ATP5PO: variants seen among roughly 807,000 people sequenced by gnomAD.
ATP5PO encodes the protein ATP synthase peripheral stalk subunit OSCP, mitochondrial.
ATP5PO carries 14 observed loss-of-function variants against 26.2 expected under a neutral mutation model. The observed-to-expected ratio is 0.53, with a 90% CI of 0.35 to 0.83. The LOEUF (loss-of-function observed/expected upper bound fraction) is 0.83. Ranked by LOEUF, ATP5PO falls within the 40% of genes least tolerant of loss-of-function variation. The pLI, the probability that ATP5PO is intolerant of heterozygous loss-of-function variation, is 0.01. For missense variants in ATP5PO, 241 were observed against 258.5 expected, an observed-to-expected ratio of 0.93 and a Z score of 0.46; for synonymous variants, 106 against 95.1, an observed-to-expected ratio of 1.12 and a Z score of -0.67.
At chr21:33,912,880 GCCTC>G (rs1253745535) in intron 2 of ATP5PO, among the ~76,000 whole-genome samples, 1 of 152,120 alleles carries the variant, frequency 6.6e-6, no homozygotes, top group Non-Finnish European at 1.5e-5. Context: ...CCCTTACATA[GCCTC>G]CCTATCGATG....
At chr21:33,906,490 G>A (rs1987174390) in intron 5 of ATP5PO, 24 of 338,424 alleles carry the variant, frequency 7.1e-5, no homozygotes, top group South Asian at 4.9e-4. Flanking sequence ...CCCTGCATTC[G>A]GTTTCCTCAT....
intron 6 of ATP5PO, 55 bp from the exon 7 acceptor site, chr21:33,903,694 CAA>C (rs757915654): frequency 1.9e-6 from 3 of 1,570,568 alleles, no homozygotes; most frequent in South Asian, 1.1e-5. Context: ...ATGGGACACA[CAA>C]AAAAGTGTTT....
At chr21:33,905,289 T>C (rs1987155214) in intron 5 of ATP5PO, among the ~76,000 whole-genome samples, 1 of 152,148 alleles carries the variant, frequency 6.6e-6, no homozygotes, top group Non-Finnish European at 1.5e-5. Flanking sequence ...GCCAGGTACC[T>C]GTCTATGCCA....
At chr21:33,912,039 A>T (rs1265262681) in intron 3 of ATP5PO, among the ~76,000 whole-genome samples, 1 of 152,096 alleles carries the variant, frequency 6.6e-6, no homozygotes, top group African/African-American at 2.4e-5. Flanking sequence ...ATCCATTTTA[A>T]TCTTATATTT....
chr21:33,914,735 AG>A (rs1447191758), intron 1 of ATP5PO: 1 of 496,352 alleles, frequency 2.0e-6, no homozygotes, highest in African/African-American at 1.9e-5. Context: ...CTAGTTTGCT[AG>A]GAATGGACCG....
chr21:33,911,662 GTTT>G (rs58774588), intron 3 of ATP5PO, among the ~76,000 whole-genome samples: 13 of 92,078 alleles, frequency 1.4e-4, no homozygotes, highest in African/African-American at 2.0e-4. Flanking sequence ...ATAAGCATAG[GTTT>G]TTTTTTTTTT....
At chr21:33,913,247 G>A (rs1198144491) in intron 2 of ATP5PO, among the ~76,000 whole-genome samples, 8 of 152,154 alleles carry the variant, frequency 5.3e-5, no homozygotes, top group Admixed American at 2.0e-4. Context: ...TAATGAGGAC[G>A]GGACAGGATA....
chr21:33,911,659 T>C (rs898787519), intron 3 of ATP5PO, among the ~76,000 whole-genome samples: 8 of 137,188 alleles, frequency 5.8e-5, no homozygotes, highest in African/African-American at 2.2e-4. Context: ...CCCATAAGCA[T>C]AGGTTTTTTT....
chr21:33,908,634 G>C (rs1355979983), intron 4 of ATP5PO, among the ~76,000 whole-genome samples: 3 of 151,898 alleles, frequency 2.0e-5, no homozygotes, highest in East Asian at 3.9e-4. Flanking sequence ...ACCTGAGTCT[G>C]GGAGGTTGAG....
At chr21:33,915,175 T>C (rs1482388027) in intron 1 of ATP5PO, 1 of 155,916 alleles carries the variant, frequency 6.4e-6, no homozygotes, top group African/African-American at 2.4e-5. Flanking sequence ...TAAAGCACCA[T>C]GGTGAGATGC....
chr21:33,908,228 T>C (rs1019465454), intron 4 of ATP5PO, among the ~76,000 whole-genome samples: 6 of 148,956 alleles, frequency 4.0e-5, no homozygotes, highest in Non-Finnish European at 7.4e-5. Context: ...AAAACGCATA[T>C]CCAATTTTTT....
intron 1 of ATP5PO, 77 bp downstream of exon 1, chr21:33,915,651 C>A: frequency 6.5e-7 from 1 of 1,530,666 alleles, no homozygotes; most frequent in Non-Finnish European, 8.8e-7. Context: ...AAGCATCGCA[C>A]CCTGGTGCTC....
rs750826555 is a variant in ATP5PO, at chr21:33,915,802, G to A, written c.-39C>T. 1.2e-4 allele frequency: 190 copies of A among 1,552,550 alleles called. No individual in the cohort carries two copies. The highest frequency in any genetic ancestry group is 1.5e-4 in the Non-Finnish European group (178 of 1,150,384). The stretch of plus-strand genomic sequence containing the variant: ...GCTGTAGGTCAAACCCGAGTGGGAA[G>A]AGAGAAACGCGCAAGGGCGCACGCG... On this transcript the variant is annotated 5_prime_UTR_variant, in exon 1 of 7. Coordinates refer to ENST00000290299, the MANE Select transcript of ATP5PO (RefSeq NM_001697.3).
In ATP5PO at chr21:33,915,556, C is replaced by T. The variant is rs1987302700; in HGVS notation, c.36+172G>A. ...CCCGCGCCTACTGCCCCGTAGGCAT[C>T]CCGGGGGACAAACGCTGGGTCGTCC... On this transcript the variant is annotated intron_variant, in intron 1 of 6. Transcript: ENST00000290299. 6 of 1,020,174 alleles carry T rather than the reference C, an allele frequency of 5.9e-6. No individual in the cohort carries two copies. The African/African-American group carries it at 6.7e-5, about 11-fold the overall frequency. 63.2% of individuals were successfully genotyped at this position (1,020,174 alleles called of 1,614,324 possible). A position where few individuals can be genotyped will look rare whatever the true frequency, so the allele number is the denominator to read the frequency against.
At chr21:33,915,623 GC>G (rs1276016031) in intron 1 of ATP5PO, 104 bp downstream of exon 1, 2 of 1,483,200 alleles carry the variant, frequency 1.3e-6, no homozygotes, top group African/African-American at 2.8e-5. Context: ...CTTGAAGACT[GC>G]CAGACTTCCC....
rs1299292643 is a variant in ATP5PO at position 33,903,600 on chromosome 21, CA to C, written c.567del (p.Ile189MetfsTer?). ...PSILGGMIVR[I>X]GEKYVDMSVK... ...ACAGACATGTCAACATATTTCTCGC[CA>C]ATGCGCACAATCATTCCACCCAAGA... On this transcript the variant is annotated frameshift_variant, in exon 7 of 7. Coordinates refer to ENST00000290299, the MANE Select transcript of ATP5PO (RefSeq NM_001697.3). LOFTEE classifies it high-confidence loss of function. 1.2e-6 allele frequency: 2 copies of C among 1,614,056 alleles called. No individual in the cohort carries two copies. The highest frequency in any genetic ancestry group is 1.7e-6 in the Non-Finnish European group (2 of 1,180,036).
At chr21:33,909,371 C>T (rs1210112951) in intron 3 of ATP5PO, among the ~76,000 whole-genome samples, 160 bp from the exon 4 acceptor site, 2 of 152,154 alleles carry the variant, frequency 1.3e-5, no homozygotes, top group African/African-American at 4.8e-5. Flanking sequence ...CCTCCACATC[C>T]CGGGTTCAAG....
chr21:33,915,752 T>C lies in ATP5PO; in HGVS notation c.12A>G (p.Pro4=), dbSNP rs1987306451. The C allele has an allele frequency of 1.9e-6, 3 of 1,576,296 alleles. No individual in the cohort carries two copies. The highest frequency in any genetic ancestry group is 2.3e-5 in the East Asian group (1 of 43,074). ...CCTGCCGGGAGAGCCCGGACACTGC[T>C]GGGGCAGCCATCTTCTCCCGGGCGG... The part of the protein sequence containing the change: MAA[P]AVSGLSRQVR... The change falls in exon 1 of 7, where the codon CCA becomes CCG. Residue 4 remains proline, a synonymous_variant. Coordinates refer to ENST00000290299, the MANE Select transcript of ATP5PO (RefSeq NM_001697.3).
intron 4 of ATP5PO, 81 bp from the exon 5 acceptor site, chr21:33,907,534 C>T (rs1167626825): frequency 2.4e-6 from 3 of 1,246,958 alleles, no homozygotes; most frequent in South Asian, 2.5e-5. Context: ...ACCCAAAAAA[C>T]AAACTTAGAT....
Sources: gnomAD v4.1 joint callset for allele counts (sites outside exome capture counted in the v4.1 genomes callset) on GRCh38, gnomAD v4.1.1 for gene constraint, MANE v1.5 for transcripts, NCBI Gene and HGNC (gene_info 2026-07-23, HGNC 2026-07-21) for gene names.